HMCES: variants seen among roughly 807,000 people sequenced by gnomAD.
HMCES encodes 5-hydroxymethylcytosine binding, ES cell specific.
A neutral mutation model predicts 35.1 loss-of-function variants in HMCES; 27 were observed. The ratio of observed to expected loss-of-function variants is 0.77; its 90% CI spans 0.57 to 1.06. The LOEUF is 1.06. HMCES is among the 50% of genes least tolerant of loss of function. The pLI is 0.00. For synonymous variants in HMCES, 130 were observed against 154.7 expected, an observed-to-expected ratio of 0.84 and a Z score of 1.18; for missense variants, 391 against 430.4, an observed-to-expected ratio of 0.91 and a Z score of 0.81.
Position 129,305,975 on chromosome 3 carries a change from CTT to C in HMCES, c.*1153_*1154del, listed in dbSNP as rs955322529. The C allele has an allele frequency of 4.4e-4, 67 of 152,408 alleles. No homozygotes were observed. Among genetic ancestry groups the C allele is most frequent in the African/African-American group, 1.6e-3 (67 of 41,588 alleles). 9.4% of individuals were successfully genotyped at this position (152,408 alleles called of 1,614,324 possible). A position where few individuals can be genotyped will look rare whatever the true frequency, so the allele number is the denominator to read the frequency against. ...CTCTCCGCCTTTTCTCTAAATTCCT[CTT>C]TTGAGTGCCCTCCCTTCCGGTTGAG... On this transcript the variant is annotated 3_prime_UTR_variant, in exon 7 of 7. Coordinates refer to ENST00000383463, the MANE Select transcript of HMCES (RefSeq NM_020187.3).
intron 5 of HMCES, among the ~76,000 whole-genome samples, 159 bp downstream of exon 5, chr3:129,298,694 A>G (rs772292949): frequency 2.0e-5 from 3 of 152,244 alleles, no homozygotes; most frequent in African/African-American, 4.8e-5. Flanking sequence ...AAATCACTGT[A>G]CTATGCAAAA....
rs566501079 is a variant in HMCES, at chr3:129,289,559, G to C, written c.327+562G>C. On this transcript the variant is annotated intron_variant, in intron 3 of 6. Transcript: ENST00000383463. ...ATTGTTTAATTTTTTTTTTTAAATAGAGACAAGGTCTGGCTATGTTGCCCA... is the reference window on the plus strand; with the variant it reads ...ATTGTTTAATTTTTTTTTTTAAATACAGACAAGGTCTGGCTATGTTGCCCA... 2.0e-5 allele frequency among the ~76,000 whole-genome samples: 3 copies of C among 151,836 alleles called. No individual in the cohort carries two copies. In the East Asian group the frequency reaches 5.8e-4, roughly 30 times the overall value.
intron 4 of HMCES, among the ~76,000 whole-genome samples, chr3:129,292,898 T>C (rs2107692264): frequency 6.6e-6 from 1 of 152,220 alleles, no homozygotes; most frequent in East Asian, 1.9e-4. Context: ...AGGGAGTGGA[T>C]TCTGGGATTA....
intron 5 of HMCES, 83 bp downstream of exon 5, chr3:129,298,618 G>A (rs2071122771): frequency 8.5e-7 from 1 of 1,171,350 alleles, no homozygotes; most frequent in Admixed American, 2.4e-5. Context: ...TAGAGAGTAG[G>A]AAACCAAGTC....
At chr3:129,283,938 G>C (rs1197625584) in intron 2 of HMCES, among the ~76,000 whole-genome samples, 1 of 152,244 alleles carries the variant, frequency 6.6e-6, no homozygotes, top group East Asian at 1.9e-4. Context: ...TTCTGGAAGA[G>C]AAAGAGGATT....
At chr3:129,288,052 G>A (rs1006502015) in intron 2 of HMCES, among the ~76,000 whole-genome samples, 4 of 148,616 alleles carry the variant, frequency 2.7e-5, no homozygotes, top group Non-Finnish European at 6.0e-5. Context: ...GCGAGACTCC[G>A]TCTCAAAAAA....
rs777161597 is a variant in HMCES, at chr3:129,304,769, T to G, written c.1009T>G (p.Trp337Gly). The G allele has an allele frequency of 7.4e-6, 12 of 1,613,964 alleles. No homozygotes were observed. In the Admixed American group the frequency reaches 1.8e-4, roughly 25 times the overall value. Reference sequence around the variant, plus strand: ...AGGCACTGCAGGACTCCTAGAGCAATGGCTGAAGCGGGAGAAGGAGGAGGA... The same window carrying G: ...AGGCACTGCAGGACTCCTAGAGCAAGGGCTGAAGCGGGAGAAGGAGGAGGA... ...KRGTAGLLEQ[W>G]LKREKEEEPV... Residue 337 changes from tryptophan to glycine, a missense_variant, in exon 7 of 7, where the codon TGG (tryptophan) becomes GGG (glycine). Transcript: ENST00000383463.
chr3:129,296,827 C>T (rs1183652251), intron 4 of HMCES, among the ~76,000 whole-genome samples: 1 of 152,000 alleles, frequency 6.6e-6, no homozygotes, highest in Non-Finnish European at 1.5e-5. Context: ...TGCAGTGGTG[C>T]GATCTCGGCT....
In HMCES at chr3:129,301,909, A is replaced by T. The variant is rs758962143; in HGVS notation, c.636-41A>T. On this transcript the variant is annotated intron_variant, in intron 5 of 6. Coordinates refer to ENST00000383463, the MANE Select transcript of HMCES (RefSeq NM_020187.3). Reference sequence around the variant, plus strand: ...CTCTCTCCCTTCTCTCCTTATTCTCATGCTACCTCTCCCAACCATTGTCTT... The same window carrying T: ...CTCTCTCCCTTCTCTCCTTATTCTCTTGCTACCTCTCCCAACCATTGTCTT... 1.5e-5 allele frequency: 22 copies of T among 1,516,902 alleles called. No individual in the cohort carries two copies. The South Asian group carries it at 1.9e-4, about 13-fold the overall frequency. The allele number at this position is 1,516,902 out of a possible 1,614,324, so 94.0% of individuals were successfully genotyped here.
In HMCES at chr3:129,288,936, AGCT is replaced by A. The variant is rs1560074396; in HGVS notation, c.269_271del (p.Leu90del). On this transcript the variant is annotated inframe_deletion, in exon 3 of 7. Coordinates refer to ENST00000383463, the MANE Select transcript of HMCES (RefSeq NM_020187.3). ...TGGTTCAAAGAAAGTGATCCTTCCA[AGCT>A]GCAGTTCAATACTACCAACTGTCGT... 10 of 1,603,384 alleles carry A rather than the reference AGCT, an allele frequency of 6.2e-6. No homozygotes were observed. Among genetic ancestry groups the A allele is most frequent in the Non-Finnish European group, 8.5e-6 (10 of 1,171,624 alleles).
chr3:129,285,743 G>A (rs938308002), intron 2 of HMCES, among the ~76,000 whole-genome samples: 9 of 151,274 alleles, frequency 5.9e-5, no homozygotes, highest in South Asian at 2.1e-4. Context: ...CACCGCGCCC[G>A]GCCCAGGATT....
Position 129,279,589 on chromosome 3 carries a change from T to A in HMCES, c.-23-121T>A. The A allele has an allele frequency of 2.0e-6, 2 of 977,500 alleles. No homozygotes were observed. Among genetic ancestry groups the A allele is most frequent in the African/African-American group, 3.3e-5 (2 of 60,392 alleles). 60.6% of individuals were successfully genotyped at this position (977,500 alleles called of 1,614,324 possible). A position where few individuals can be genotyped will look rare whatever the true frequency, so the allele number is the denominator to read the frequency against. ...TTTGTGGGACTTTTTGGGGAAGACT[T>A]TAGACGGTGGTCACGGAGGGGCACG... is the stretch of plus-strand genomic sequence containing the variant. On this transcript the variant is annotated intron_variant, in intron 1 of 6. Transcript: ENST00000383463. The surrounding 1 kb of genome is among the most constrained non-coding windows in gnomAD (Gnocchi z 4.2).
chr3:129,296,450 C>T (rs1240270193), intron 4 of HMCES, among the ~76,000 whole-genome samples: 2 of 152,188 alleles, frequency 1.3e-5, no homozygotes, highest in Admixed American at 6.5e-5. Context: ...ATGTTGTCCA[C>T]ATTTTCCACA....
intron 2 of HMCES, among the ~76,000 whole-genome samples, chr3:129,283,055 T>G (rs1406979653): frequency 1.3e-5 from 2 of 152,164 alleles, no homozygotes; most frequent in Non-Finnish European, 2.9e-5. Flanking sequence ...TTCTGGGCGT[T>G]GTAGAGCGTT....
chr3:129,284,082 G>A (rs2107686075), intron 2 of HMCES, among the ~76,000 whole-genome samples: 1 of 152,242 alleles, frequency 6.6e-6, no homozygotes, highest in South Asian at 2.1e-4. Context: ...TACTCACTTT[G>A]CTTTTGCAAT....
Position 129,305,033 on chromosome 3 carries a change from A to G in HMCES, c.*208A>G, listed in dbSNP as rs2071218176. 1.7e-6 allele frequency: 1 copy of G among 582,760 alleles called. No individual in the cohort carries two copies. The highest frequency in any genetic ancestry group is 2.8e-5 in the East Asian group (1 of 35,190). The allele number at this position is 582,760 out of a possible 1,614,324, so 36.1% of individuals were successfully genotyped here. On this transcript the variant is annotated 3_prime_UTR_variant, in exon 7 of 7. Coordinates refer to ENST00000383463, the MANE Select transcript of HMCES (RefSeq NM_020187.3). Reference sequence around the variant, plus strand: ...TTGGAAGAGGTGTCCTGCTGCTGTTACCAGCCATGTGGGCCCCATAGGGGC... The same window carrying G: ...TTGGAAGAGGTGTCCTGCTGCTGTTGCCAGCCATGTGGGCCCCATAGGGGC...
chr3:129,285,546 G>T (rs1940613542), intron 2 of HMCES, among the ~76,000 whole-genome samples: 1 of 151,910 alleles, frequency 6.6e-6, no homozygotes, highest in Non-Finnish European at 1.5e-5. Context: ...CTTCCTCCCG[G>T]GTTCACGCCA....
At chr3:129,295,198 A>G (rs1352548432) in intron 4 of HMCES, among the ~76,000 whole-genome samples, 1 of 151,510 alleles carries the variant, frequency 6.6e-6, no homozygotes, top group African/African-American at 2.4e-5. Context: ...TTATTGATAT[A>G]TAATTCACAT....
At chr3:129,294,953 C>T (rs1038116422) in intron 4 of HMCES, among the ~76,000 whole-genome samples, 19 of 151,800 alleles carry the variant, frequency 1.3e-4, no homozygotes, top group Admixed American at 9.9e-4. Context: ...GTCAGGAAAT[C>T]GAGACCATCT....
Sources: allele counts gnomAD v4.1 joint callset (sites outside exome capture counted in the v4.1 genomes callset), GRCh38; gene constraint gnomAD v4.1.1; non-coding constraint Gnocchi (gnomAD v3.1); transcripts MANE v1.5; gene names NCBI Gene and HGNC (gene_info 2026-07-23, HGNC 2026-07-21).